RTN4: variants seen among roughly 807,000 people sequenced by gnomAD.
RTN4 encodes reticulon 4.
In RTN4, 32 loss-of-function variants were observed where a neutral mutation model predicts 90.4. The observed-to-expected ratio is 0.35, with a 90% confidence interval of 0.27 to 0.48. The LOEUF (loss-of-function observed/expected upper bound fraction) is 0.48, where lower values mean the gene tolerates loss of function less well. Ranked by LOEUF, RTN4 falls within the 20% of genes least tolerant of loss-of-function variation. The pLI is 0.99. For missense variants in RTN4, 1,706 were observed against 1,430.2 expected (o/e 1.19, Z -3.11); for synonymous variants, 629 against 552.5 (o/e 1.14, Z -1.94).
At chr2:55,112,875 T>C (rs901639297), upstream of RTN4, among the ~76,000 whole-genome samples, 1 of 152,256 alleles carries the variant, frequency 6.6e-6, no homozygotes, top group African/African-American at 2.4e-5. Context: ...CAGCTGGAGT[T>C]TCTGGAGCAA....
chr2:55,120,762 G>C, the RTN4 span, among the ~76,000 whole-genome samples: 1 of 152,116 alleles, frequency 6.6e-6, no homozygotes, highest in African/African-American at 2.4e-5. Flanking sequence ...GGCTCGGGCG[G>C]GCTGTGTGGG....
chr2:54,977,223 G>C (rs929327738), intron 5 of RTN4, among the ~76,000 whole-genome samples: 3 of 152,252 alleles, frequency 2.0e-5, no homozygotes, highest in South Asian at 2.1e-4. Context: ...GTCTCCTTCA[G>C]ATTCATTCAT....
chr2:55,016,727 A>G (rs1681072667), intron 3 of RTN4, among the ~76,000 whole-genome samples: 1 of 152,200 alleles, frequency 6.6e-6, no homozygotes, highest in Non-Finnish European at 1.5e-5. Flanking sequence ...AAATTTGTAC[A>G]ATGAGCGTGT....
intron 2 of RTN4, among the ~76,000 whole-genome samples, chr2:55,071,639 T>G (rs907954005): frequency 6.6e-5 from 10 of 151,364 alleles, no homozygotes; most frequent in Non-Finnish European, 1.2e-4. Context: ...AGGCGATCAC[T>G]GACTTCAGAC....
rs551828780 is a variant in RTN4, at chr2:55,029,947, T to G, written c.557-1727A>C. ...GGAAAGTTCCCTTCAGCTAAAATAA[T>G]GAATTATTAGCTTGTATAAAACTGA... On this transcript the variant is annotated intron_variant, in intron 1 of 8. Transcript: ENST00000337526. Among the ~76,000 whole-genome samples the G allele has an allele frequency of 2.0e-5, 3 of 152,340 alleles. No individual in the cohort carries two copies. The East Asian group carries it at 5.8e-4, about 29-fold the overall frequency.
chr2:55,086,054 G>A (rs1031045032), intron 1 of RTN4, among the ~76,000 whole-genome samples: 2 of 152,158 alleles, frequency 1.3e-5, no homozygotes, highest in Non-Finnish European at 2.9e-5. Flanking sequence ...TCATCAGATA[G>A]AGCCCTTTCT....
intron 2 of RTN4, among the ~76,000 whole-genome samples, chr2:55,060,975 G>A (rs1668280280): frequency 6.6e-6 from 1 of 152,004 alleles, no homozygotes; most frequent in African/African-American, 2.4e-5. Flanking sequence ...TTCTTTAGAA[G>A]TGGACCTCCA....
chr2:55,130,588 G>A, the RTN4 span, among the ~76,000 whole-genome samples: 5 of 152,006 alleles, frequency 3.3e-5, no homozygotes, highest in African/African-American at 7.2e-5. Context: ...AAATCTCTAC[G>A]AAAAATACAA....
chr2:55,004,829 T>C (rs929981585), intron 3 of RTN4, among the ~76,000 whole-genome samples: 1 of 151,864 alleles, frequency 6.6e-6, no homozygotes, highest in African/African-American at 2.4e-5. Context: ...AAGTACAAAA[T>C]GAAACCCCTC....
At chr2:55,115,287 T>C (rs1479833049), upstream of RTN4, among the ~76,000 whole-genome samples, 1 of 152,234 alleles carries the variant, frequency 6.6e-6, no homozygotes, top group Non-Finnish European at 1.5e-5. Context: ...ATGCCTTTTC[T>C]GGCTTCTAAA....
chr2:55,055,120 G>A (rs1420969341), upstream of RTN4, among the ~76,000 whole-genome samples: 3 of 151,670 alleles, frequency 2.0e-5, no homozygotes, highest in Admixed American at 6.6e-5. Context: ...AACTGTTTTC[G>A]GTCCCCTGCA....
Position 55,015,963 on chromosome 2 carries a change from A to C in RTN4, c.3013+9123T>G, listed in dbSNP as rs1451046991. ...GCCAATTTTTATACAAACCCTTATA[A>C]ATGCTCATACCCACTAACCTAGGTT... On this transcript the variant is annotated intron_variant, in intron 3 of 8. Transcript: ENST00000337526. Among the ~76,000 whole-genome samples, 3 of 152,210 alleles carry C rather than the reference A, an allele frequency of 2.0e-5. No individual in the cohort carries two copies. The South Asian group carries it at 6.2e-4, about 32-fold the overall frequency.
chr2:55,091,639 G>C (rs1668936743), intron 1 of RTN4, among the ~76,000 whole-genome samples: 1 of 152,252 alleles, frequency 6.6e-6, no homozygotes, highest in South Asian at 2.1e-4. Flanking sequence ...ACCTGCCTGG[G>C]CAATATAGCA....
intron 3 of RTN4, among the ~76,000 whole-genome samples, chr2:55,016,769 C>T (rs1681076506): frequency 6.6e-6 from 1 of 152,056 alleles, no homozygotes; most frequent in African/African-American, 2.4e-5. Flanking sequence ...TAAACTGTTG[C>T]TCTAACTTCA....
intron 1 of RTN4, among the ~76,000 whole-genome samples, chr2:55,085,276 G>C (rs1668815284): frequency 6.6e-6 from 1 of 152,114 alleles, no homozygotes; most frequent in South Asian, 2.1e-4. Context: ...GTGTGTAATA[G>C]GTGTGTGTGG....
At chr2:55,006,763 C>G (rs961017872) in intron 3 of RTN4, among the ~76,000 whole-genome samples, 3 of 152,136 alleles carry the variant, frequency 2.0e-5, no homozygotes, top group Non-Finnish European at 2.9e-5. Context: ...ACCAGCTTCT[C>G]TAAGTATTTA....
intron 2 of RTN4, among the ~76,000 whole-genome samples, chr2:55,076,868 T>C (rs765563582): frequency 7.2e-5 from 11 of 152,114 alleles, no homozygotes; most frequent in Non-Finnish European, 1.6e-4. Context: ...GCTTGGTACT[T>C]CTCTCTCTTG....
intron 5 of RTN4, 70 bp downstream of exon 5, chr2:54,982,445 G>A: frequency 7.3e-7 from 1 of 1,363,500 alleles, no homozygotes; most frequent in Admixed American, 2.3e-5. Context: ...TAGAAGAACA[G>A]AATTTTACAC....
intron 1 of RTN4, among the ~76,000 whole-genome samples, chr2:55,044,785 T>TAAAAACAA (rs1683306585): frequency 1.5e-5 from 1 of 65,646 alleles, no homozygotes; most frequent in Non-Finnish European, 2.6e-5. Context: ...TGCAAATCAC[T>TAAAAACAA]AAAAAAAAAA....
Sources: allele counts gnomAD v4.1 joint callset (sites outside exome capture counted in the v4.1 genomes callset), GRCh38; gene constraint gnomAD v4.1.1; transcripts MANE v1.5; gene names NCBI Gene and HGNC (gene_info 2026-07-23, HGNC 2026-07-21).